The following AGMO variants were observed in gnomAD, a reference collection of about 807,000 sequenced individuals.
AGMO encodes alkylglycerol monooxygenase.
A neutral mutation model predicts 60.2 loss-of-function variants in AGMO; 75 were observed. The ratio of observed to expected loss-of-function variants is 1.25; its 90% CI spans 1.03 to 1.51. AGMO has a LOEUF of 1.51. AGMO is among the 40% of genes most tolerant of loss of function. AGMO has a pLI of 0.00. For synonymous variants in AGMO, 261 were observed against 177.1 expected, an observed-to-expected ratio of 1.47 and a Z score of -3.76; for missense variants, 763 against 525.5, an observed-to-expected ratio of 1.45 and a Z score of -4.42.
chr7:15,336,255 A>T (rs952722528), intron 12 of AGMO, among the ~76,000 whole-genome samples: 1 of 152,028 alleles, frequency 6.6e-6, no homozygotes, highest in East Asian at 1.9e-4. Flanking sequence ...CAAAAAAAAA[A>T]TTATGCTCTT....
intron 12 of AGMO, among the ~76,000 whole-genome samples, chr7:15,325,320 A>G (rs1368025512): frequency 1.3e-5 from 2 of 152,112 alleles, no homozygotes; most frequent in Non-Finnish European, 2.9e-5. Context: ...ACATATCTAA[A>G]TAATTATATA....
At chr7:15,546,670 A>G (rs1435236149) in intron 2 of AGMO, among the ~76,000 whole-genome samples, 1 of 152,258 alleles carries the variant, frequency 6.6e-6, no homozygotes, top group African/African-American at 2.4e-5. Context: ...AGGACAAGCC[A>G]TGAGGCCAAG....
chr7:15,393,959 T>C (rs1217337536), intron 6 of AGMO, among the ~76,000 whole-genome samples, 154 bp downstream of exon 6: 7 of 122,882 alleles, frequency 5.7e-5, no homozygotes, highest in African/African-American at 2.2e-4. Context: ...GAGATGAGGC[T>C]TGTACCAAAG....
At chr7:15,163,372 T>A in the AGMO span, among the ~76,000 whole-genome samples, 1 of 152,150 alleles carries the variant, frequency 6.6e-6, no homozygotes, top group African/African-American at 2.4e-5. Context: ...GTAAGAGTGG[T>A]GAGAGTGGAC....
At chr7:15,397,163 A>T in intron 5 of AGMO, among the ~76,000 whole-genome samples, 1 of 152,100 alleles carries the variant, frequency 6.6e-6, no homozygotes, top group African/African-American at 2.4e-5. Flanking sequence ...CAGACAACCA[A>T]GAGGAAAAGT....
At chr7:15,329,678 T>TA (rs1159435287) in intron 12 of AGMO, among the ~76,000 whole-genome samples, 5 of 152,204 alleles carry the variant, frequency 3.3e-5, no homozygotes, top group African/African-American at 1.2e-4. Context: ...TCCTGTCCAT[T>TA]ATTATGTTTA....
chr7:15,204,896 T>C (rs139760479), intron 12 of AGMO, among the ~76,000 whole-genome samples: 1,534 of 152,276 alleles, frequency 0.01, 26 homozygotes, highest in African/African-American at 0.035. Context: ...TCTTGCTATG[T>C]TGCCCAAACT....
intron 3 of AGMO, among the ~76,000 whole-genome samples, chr7:15,440,665 C>CGA (rs1781528924): frequency 6.6e-6 from 1 of 152,036 alleles, no homozygotes; most frequent in Non-Finnish European, 1.5e-5. Flanking sequence ...GTGTGAGAGC[C>CGA]GAGAGAGCTC....
chr7:15,244,119 T>C (rs1039195129), intron 12 of AGMO, among the ~76,000 whole-genome samples: 4 of 152,120 alleles, frequency 2.6e-5, no homozygotes, highest in African/African-American at 9.7e-5. Context: ...ACATATGTTA[T>C]TGTGAGAGTT....
intron 3 of AGMO, among the ~76,000 whole-genome samples, chr7:15,475,364 A>C (rs1047173265): frequency 3.9e-5 from 6 of 152,164 alleles, no homozygotes; most frequent in African/African-American, 1.4e-4. Flanking sequence ...TGTAGCCACA[A>C]AAAAGGATGA....
At chr7:15,478,536 A>T (rs1420589752) in intron 3 of AGMO, among the ~76,000 whole-genome samples, 1 of 152,142 alleles carries the variant, frequency 6.6e-6, no homozygotes, top group Non-Finnish European at 1.5e-5. Flanking sequence ...ATGTGCTCAC[A>T]ATGTGGCTGT....
the AGMO span, among the ~76,000 whole-genome samples, chr7:15,182,343 C>T: frequency 5.9e-5 from 9 of 151,824 alleles, no homozygotes; most frequent in Non-Finnish European, 7.4e-5. Flanking sequence ...ACAAATGGTT[C>T]GAATGATAAA....
At chr7:15,130,731 A>T in the AGMO span, among the ~76,000 whole-genome samples, 1 of 152,166 alleles carries the variant, frequency 6.6e-6, no homozygotes, top group African/African-American at 2.4e-5. Context: ...TATTGCTTAA[A>T]GGAATACAGA....
At chr7:15,334,393 T>C (rs1239969318) in intron 12 of AGMO, among the ~76,000 whole-genome samples, 1 of 152,052 alleles carries the variant, frequency 6.6e-6, no homozygotes, top group Non-Finnish European at 1.5e-5. Flanking sequence ...CTTTGGGTCA[T>C]TTAAAAAATT....
intron 3 of AGMO, among the ~76,000 whole-genome samples, chr7:15,437,304 C>T (rs1210595766): frequency 6.6e-6 from 1 of 152,132 alleles, no homozygotes; most frequent in East Asian, 1.9e-4. Context: ...ATTACCAATT[C>T]ATTCAGTAAG....
At chr7:15,365,912 A>T (rs1162667973) in intron 11 of AGMO, among the ~76,000 whole-genome samples, 1 of 152,056 alleles carries the variant, frequency 6.6e-6, no homozygotes, top group Non-Finnish European at 1.5e-5. Context: ...AAAGTAAGTG[A>T]GACTCTTTTC....
chr7:15,397,216 G>T (rs906324642), intron 5 of AGMO, among the ~76,000 whole-genome samples: 1 of 152,158 alleles, frequency 6.6e-6, no homozygotes, highest in Non-Finnish European at 1.5e-5. Context: ...CCTGGCCTAC[G>T]ACCCCGCGAA....
At chr7:15,365,725 TTAATATA>T in intron 11 of AGMO, 106 bp from the exon 12 acceptor site, 3 of 752,712 alleles carry the variant, frequency 4.0e-6, no homozygotes, top group Non-Finnish European at 6.4e-6. Context: ...ACCTAGTATT[TTAATATA>T]TTTGAAAAGC....
chr7:15,341,417 G>A (rs1781842830), intron 12 of AGMO, among the ~76,000 whole-genome samples: 1 of 152,128 alleles, frequency 6.6e-6, no homozygotes. Flanking sequence ...CTTTGCTCCA[G>A]TTCCCAAGAA....
Sources: gnomAD v4.1 joint callset for allele counts (sites outside exome capture counted in the v4.1 genomes callset) on GRCh38, gnomAD v4.1.1 for gene constraint, MANE v1.5 for transcripts, NCBI Gene and HGNC (gene_info 2026-07-23, HGNC 2026-07-21) for gene names.